Variants in IDE observed in about 807,000 individuals in gnomAD.
The protein encoded by IDE is insulin-degrading enzyme.
In IDE, 58 loss-of-function variants were observed where a neutral mutation model predicts 133.2. The ratio of observed to expected loss-of-function variants is 0.44; its 90% CI spans 0.35 to 0.54. The LOEUF (loss-of-function observed/expected upper bound fraction) is 0.54. Among genes scored for constraint, IDE ranks in the 20% least tolerant of loss-of-function variants. The probability of loss-of-function intolerance (pLI) is 0.00; values close to 1 mark genes in which losing one functional copy is unlikely to be tolerated. For missense variants in IDE, 981 were observed against 1,234.0 expected (o/e 0.79, Z 3.07); for synonymous variants, 396 against 421.3 (o/e 0.94, Z 0.73).
chr10:92,541,218 C>A, intron 1 of IDE: 1 of 329,158 alleles, frequency 3.0e-6, no homozygotes, highest in South Asian at 2.4e-5. Context: ...AAACCTATTC[C>A]TGGCAATCCT....
chr10:92,567,806 T>G (rs1399422244), intron 1 of IDE, among the ~76,000 whole-genome samples: 2 of 152,100 alleles, frequency 1.3e-5, no homozygotes, highest in Non-Finnish European at 2.9e-5. Flanking sequence ...AGATCCTGCC[T>G]CTACAAAATT....
intron 11 of IDE, among the ~76,000 whole-genome samples, chr10:92,491,240 T>TA (rs879942324): frequency 0.04 from 5,530 of 138,788 alleles, 346 homozygotes; most frequent in African/African-American, 0.13. Flanking sequence ...CTTGTCTCTT[T>TA]AAAAAAAAAA....
rs1186861101 is a variant in IDE at position 92,507,094 on chromosome 10, C to G, written c.1245+481G>C. Among the ~76,000 whole-genome samples, 3 of 137,614 alleles carry G rather than the reference C, an allele frequency of 2.2e-5. No homozygotes were observed. The East Asian group carries it at 8.0e-4, about 37-fold the overall frequency. The allele number at this position is 137,614 out of a possible 152,430, so 90.3% of individuals were successfully genotyped here. A position where few individuals can be genotyped will look rare whatever the true frequency, so the allele number is the denominator to read the frequency against. Reference sequence around the variant, plus strand: ...CTTTTAAAAATTTGAAAGACAAACACCATTTGTTTTACGCAAAAAAAAAAG... The same window carrying G: ...CTTTTAAAAATTTGAAAGACAAACAGCATTTGTTTTACGCAAAAAAAAAAG... On this transcript the variant is annotated intron_variant, in intron 9 of 24. Transcript: ENST00000265986.
At chr10:92,566,555 A>G (rs1225821422) in intron 1 of IDE, among the ~76,000 whole-genome samples, 1 of 152,066 alleles carries the variant, frequency 6.6e-6, no homozygotes, top group Non-Finnish European at 1.5e-5. Context: ...GGATCTAAAA[A>G]TCAAAACAAT....
Position 92,455,568 on chromosome 10 carries a change from T to A in IDE, c.2964+8A>T, listed in dbSNP as rs1176905544. The A allele has an allele frequency of 1.3e-6, 2 of 1,534,430 alleles. No homozygotes were observed. Among genetic ancestry groups the A allele is most frequent in the Non-Finnish European group, 1.8e-6 (2 of 1,107,702 alleles). On this transcript the variant is annotated splice_region_variant and intron_variant, in intron 24 of 24. Transcript: ENST00000265986. ...CAGTACAATCTAACATAACGTTATA[T>A]TTCTTACTTGTGGCAAGGCTGGTGC...
At chr10:92,573,831 G>T in intron 1 of IDE, 91 bp downstream of exon 1, 2 of 889,980 alleles carry the variant, frequency 2.2e-6, no homozygotes, top group Non-Finnish European at 1.6e-6. Flanking sequence ...AGCGGTGGCG[G>T]CTTTAAGTGC....
At chr10:92,492,350 A>G (rs1379485971) in intron 11 of IDE, among the ~76,000 whole-genome samples, 1 of 152,166 alleles carries the variant, frequency 6.6e-6, no homozygotes, top group Non-Finnish European at 1.5e-5. Context: ...TGACAAGACT[A>G]GAGGAGCAAA....
chr10:92,502,446 T>G (rs878983856), intron 11 of IDE, among the ~76,000 whole-genome samples: 3 of 152,228 alleles, frequency 2.0e-5, no homozygotes, highest in East Asian at 1.9e-4. Flanking sequence ...TCTATTTTTT[T>G]GTTGCTATAT....
chr10:92,547,237 C>T (rs1368853285), intron 1 of IDE, among the ~76,000 whole-genome samples: 2 of 121,704 alleles, frequency 1.6e-5, no homozygotes, highest in Non-Finnish European at 3.4e-5. Flanking sequence ...CCATGCCCGG[C>T]TAATTTTTTG....
At position 92,486,353 on chromosome 10, in the gene IDE, A is replaced by C. The variant is rs186649843; in HGVS notation, c.1656+843T>G. Among the ~76,000 whole-genome samples the C allele has an allele frequency of 3.5e-3, 539 of 152,300 alleles. 2 individuals are homozygous for C. The highest frequency in any genetic ancestry group is 0.01 in the Middle Eastern group (3 of 294). ...CAACAAGAACAAGACTCTGTCTCAAAAAAAGAAAAGAAAATAAAGAAAAAT... is the reference window on the plus strand; with the variant it reads ...CAACAAGAACAAGACTCTGTCTCAACAAAAGAAAAGAAAATAAAGAAAAAT... On this transcript the variant is annotated intron_variant, in intron 13 of 24. Coordinates refer to ENST00000265986, the MANE Select transcript of IDE (RefSeq NM_004969.4).
intron 17 of IDE, among the ~76,000 whole-genome samples, chr10:92,473,798 T>C (rs898139794): frequency 2.0e-4 from 30 of 152,044 alleles, no homozygotes; most frequent in Non-Finnish European, 4.0e-4. Flanking sequence ...CTGGCCAACA[T>C]GGTGAAACCC....
chr10:92,558,031 T>C (rs1045104596), intron 1 of IDE, among the ~76,000 whole-genome samples: 8 of 152,176 alleles, frequency 5.3e-5, no homozygotes, highest in African/African-American at 1.9e-4. Context: ...AAGACTTCCA[T>C]GTAACAGCTA....
intron 14 of IDE, among the ~76,000 whole-genome samples, chr10:92,482,869 G>A (rs983707682): frequency 1.4e-4 from 21 of 151,632 alleles, no homozygotes; most frequent in Middle Eastern, 3.4e-3. Context: ...GCAGCGGTGC[G>A]ATCTCAGCTG....
Position 92,468,977 on chromosome 10 carries a change from A to T in IDE, c.2222T>A (p.Ile741Asn), listed in dbSNP as rs1396860929. ...GAGGGTGTCTTCAACCATCTGCATA[A>T]TTCCTAATGCAGCCTATGGAAAAAG... ...GNITKQAALG[I>N]MQMVEDTLIE... The change falls in exon 19 of 25, where the codon ATT becomes AAT. Residue 741 changes from isoleucine to asparagine, a missense_variant. Ile to Asn is a moderately radical substitution (Grantham distance 149). This residue lies in a region of IDE where 660 missense variants were observed against 894.7 expected (regional missense o/e 0.74). Transcript: ENST00000265986. 1 of 1,594,732 alleles carries T rather than the reference A, an allele frequency of 6.3e-7. No homozygotes were observed. Among genetic ancestry groups the T allele is most frequent in the Admixed American group, 1.7e-5 (1 of 59,996 alleles).
intron 5 of IDE, among the ~76,000 whole-genome samples, chr10:92,510,810 T>C: frequency 6.6e-6 from 1 of 150,560 alleles, no homozygotes. Context: ...CACATACATA[T>C]CACATATATG....
At chr10:92,481,005 T>C (rs150330555) in intron 14 of IDE, 1 of 487,576 alleles carries the variant, frequency 2.1e-6, no homozygotes, top group African/African-American at 2.1e-5. Context: ...CCAAATATTC[T>C]CCAACTGGAA....
intron 1 of IDE, among the ~76,000 whole-genome samples, chr10:92,571,114 C>T (rs138998185): frequency 0.035 from 5,355 of 151,620 alleles, 353 homozygotes; most frequent in African/African-American, 0.12. Flanking sequence ...CGGGTTCAAG[C>T]GATTCTCCTG....
intron 4 of IDE, among the ~76,000 whole-genome samples, chr10:92,520,015 G>T (rs1379645862): frequency 6.6e-6 from 1 of 152,168 alleles, no homozygotes. Context: ...CGAGGCAGGA[G>T]AATCGCTTGA....
chr10:92,546,062 G>C (rs1842521917), intron 1 of IDE, among the ~76,000 whole-genome samples: 1 of 152,172 alleles, frequency 6.6e-6, no homozygotes, highest in South Asian at 2.1e-4. Flanking sequence ...AAAGTATACA[G>C]CAATAAAAAG....
Sources: allele counts gnomAD v4.1 joint callset (sites outside exome capture counted in the v4.1 genomes callset), GRCh38; gene constraint gnomAD v4.1.1; regional missense constraint gnomAD v4.1.1; transcripts MANE v1.5; gene names NCBI Gene and HGNC (gene_info 2026-07-23, HGNC 2026-07-21).